The following ANO6 variants were observed in gnomAD, a reference collection of about 807,000 sequenced individuals.
ANO6 encodes anoctamin-6.
Under a neutral mutation model 117.5 loss-of-function variants are expected in ANO6, and 106 were observed. The ratio of observed to expected loss-of-function variants is 0.90; its 90% CI spans 0.77 to 1.06. The LOEUF is 1.06. ANO6 is among the 50% of genes least tolerant of loss of function. ANO6 has a pLI of 0.00. For missense variants in ANO6, 955 were observed against 1,121.1 expected (o/e 0.85, Z 2.12); for synonymous variants, 367 against 385.1 (o/e 0.95, Z 0.55).
At position 45,432,180 on chromosome 12, in the gene ANO6, G is replaced by C. The variant is rs1943647932; in HGVS notation, c.*2869G>C. 1.0e-6 allele frequency: 1 copy of C among 985,114 alleles called. No individual in the cohort carries two copies. Among genetic ancestry groups the C allele is most frequent in the Non-Finnish European group, 1.2e-6 (1 of 829,722 alleles). 61.0% of individuals were successfully genotyped at this position (985,114 alleles called of 1,614,324 possible). A position where few individuals can be genotyped will look rare whatever the true frequency, so the allele number is the denominator to read the frequency against. On this transcript the variant is annotated 3_prime_UTR_variant, in exon 20 of 20. Transcript: ENST00000320560. Reference sequence around the variant, plus strand: ...ATGTATGAGCAGCTTAACTGAAGTAGAACTATTCATGATGCTTTTCACACA... The same window carrying C: ...ATGTATGAGCAGCTTAACTGAAGTACAACTATTCATGATGCTTTTCACACA...
intron 2 of ANO6, among the ~76,000 whole-genome samples, chr12:45,310,272 C>G (rs1052988117): frequency 6.6e-6 from 1 of 152,010 alleles, no homozygotes; most frequent in Non-Finnish European, 1.5e-5. Flanking sequence ...CTGGGCCCAG[C>G]CAGACAAGAC....
intron 1 of ANO6, among the ~76,000 whole-genome samples, chr12:45,274,572 T>G (rs2037857): frequency 0.9 from 136,827 of 151,872 alleles, 62,724 homozygotes; most frequent in Non-Finnish European, 0.99. Context: ...TTCATGCACC[T>G]CTTGGTCTGA....
intron 1 of ANO6, among the ~76,000 whole-genome samples, chr12:45,224,605 A>T (rs1947453829): frequency 6.6e-6 from 1 of 152,186 alleles, no homozygotes; most frequent in South Asian, 2.1e-4. Context: ...GTCAAATAAT[A>T]GCTTTCCAAA....
chr12:45,352,618 C>A (rs1394363433), intron 7 of ANO6, among the ~76,000 whole-genome samples: 1 of 148,458 alleles, frequency 6.7e-6, no homozygotes, highest in Non-Finnish European at 1.5e-5. Context: ...GTAGTCCCAG[C>A]TACTCAGGAG....
rs117227281 is a variant in ANO6 at position 45,330,800 on chromosome 12, C to T, written c.151-495C>T. Among the ~76,000 whole-genome samples, 106 of 151,898 alleles carry T rather than the reference C, an allele frequency of 7.0e-4. No homozygotes were observed. The East Asian group carries it at 0.016, about 23-fold the overall frequency. On this transcript the variant is annotated intron_variant, in intron 2 of 19. Coordinates refer to ENST00000320560, the MANE Select transcript of ANO6 (RefSeq NM_001025356.3). ...CTTTTGGCATTTGTTTGAAGTTGTC[C>T]CATGATACCTTCTATAAAGCGGTGA... is the stretch of plus-strand genomic sequence containing the variant.
At chr12:45,373,673 G>T (rs1249271110) in intron 9 of ANO6, among the ~76,000 whole-genome samples, 2 of 152,124 alleles carry the variant, frequency 1.3e-5, no homozygotes, top group Admixed American at 1.3e-4. Flanking sequence ...TGAGAACAAA[G>T]ACACAACATA....
intron 17 of ANO6, among the ~76,000 whole-genome samples, chr12:45,417,912 T>C (rs1943255183): frequency 6.6e-6 from 1 of 152,204 alleles, no homozygotes; most frequent in Non-Finnish European, 1.5e-5. Flanking sequence ...GCACTGTAGC[T>C]CTGAGCTGCA....
chr12:45,322,271 T>A (rs80330040), intron 2 of ANO6, among the ~76,000 whole-genome samples: 6,688 of 120,152 alleles, frequency 0.056, 480 homozygotes, highest in African/African-American at 0.17. Flanking sequence ...GAGCTGGACC[T>A]TAAAGGAGAG....
downstream of ANO6, among the ~76,000 whole-genome samples, chr12:45,435,854 C>T (rs927340419): frequency 5.3e-5 from 8 of 152,144 alleles, no homozygotes; most frequent in African/African-American, 1.7e-4. Flanking sequence ...CTGGATCTGC[C>T]ACTGGCCAGC....
intron 19 of ANO6, 87 bp from the exon 20 acceptor site, chr12:45,429,018 C>G (rs1206380638): frequency 2.2e-5 from 33 of 1,503,300 alleles, no homozygotes; most frequent in Non-Finnish European, 2.9e-5. Flanking sequence ...TCCAGATAAA[C>G]TGCCATAATG....
At chr12:45,335,783 TG>T (rs941272432) in intron 3 of ANO6, among the ~76,000 whole-genome samples, 17 of 152,044 alleles carry the variant, frequency 1.1e-4, no homozygotes, top group African/African-American at 4.1e-4. Flanking sequence ...AAATTTTTGT[TG>T]CTATTGTCAG....
chr12:45,262,763 A>G (rs1938084167), intron 1 of ANO6, among the ~76,000 whole-genome samples: 1 of 152,198 alleles, frequency 6.6e-6, no homozygotes, highest in South Asian at 2.1e-4. Context: ...TATATTTAAG[A>G]AGGCTTCACA....
At chr12:45,265,984 T>G (rs1938202445) in intron 1 of ANO6, among the ~76,000 whole-genome samples, 1 of 152,220 alleles carries the variant, frequency 6.6e-6, no homozygotes, top group Non-Finnish European at 1.5e-5. Flanking sequence ...AAGGCAGACC[T>G]GAACATAAAT....
At chr12:45,283,797 C>T (rs1202614322) in intron 1 of ANO6, among the ~76,000 whole-genome samples, 1 of 152,148 alleles carries the variant, frequency 6.6e-6, no homozygotes, top group Admixed American at 6.6e-5. Context: ...CTTAATGTCA[C>T]CGGAATCCAT....
chr12:45,404,018 T>C (rs76433147), intron 15 of ANO6, among the ~76,000 whole-genome samples: 2,429 of 152,294 alleles, frequency 0.016, 59 homozygotes, highest in East Asian at 0.097. Flanking sequence ...TTATCTCCTT[T>C]TTACTAATGA....
intron 2 of ANO6, among the ~76,000 whole-genome samples, chr12:45,322,571 C>T (rs1436130860): frequency 6.6e-6 from 1 of 152,124 alleles, no homozygotes; most frequent in African/African-American, 2.4e-5. Flanking sequence ...GAACATCTTT[C>T]TGGTGGCAGT....
At chr12:45,425,353 T>C (rs1943475115) in intron 19 of ANO6, among the ~76,000 whole-genome samples, 2 of 152,134 alleles carry the variant, frequency 1.3e-5, no homozygotes, top group African/African-American at 4.8e-5. Flanking sequence ...TTAAAGAAGC[T>C]GAACATGGAT....
chr12:45,299,580 C>T (rs889785305), intron 1 of ANO6, among the ~76,000 whole-genome samples: 1 of 152,108 alleles, frequency 6.6e-6, no homozygotes, highest in Non-Finnish European at 1.5e-5. Context: ...AGGCCGGAAG[C>T]GGTGACTCAC....
At chr12:45,421,414 AAT>A (rs1943361985) in intron 18 of ANO6, 141 bp downstream of exon 18, 3 of 883,652 alleles carry the variant, frequency 3.4e-6, no homozygotes, top group African/African-American at 1.7e-5. Flanking sequence ...GTGTCATTTA[AAT>A]CAAGCTGCTA....
Sources: gnomAD v4.1 joint callset for allele counts (sites outside exome capture counted in the v4.1 genomes callset) on GRCh38, gnomAD v4.1.1 for gene constraint, MANE v1.5 for transcripts, NCBI Gene and HGNC (gene_info 2026-07-23, HGNC 2026-07-21) for gene names.